Variants in ZNF138 observed in about 807,000 individuals in gnomAD.
The protein encoded by ZNF138 is zinc finger protein 138 (clone pHZ-32).
Under a neutral mutation model 33.0 loss-of-function variants are expected in ZNF138, and 33 were observed. The ratio of observed to expected loss-of-function variants is 1.00; its 90% CI spans 0.76 to 1.34. ZNF138 has a LOEUF of 1.34. Ranked by LOEUF, ZNF138 falls within the 40% of genes most tolerant of loss-of-function variation. ZNF138 has a pLI of 0.00. For missense variants in ZNF138, 360 were observed against 370.8 expected, an observed-to-expected ratio of 0.97 and a Z score of 0.24; for synonymous variants, 139 against 120.4, an observed-to-expected ratio of 1.15 and a Z score of -1.01.
At chr7:64,822,144 C>T (rs1789213398) in intron 3 of ZNF138, among the ~76,000 whole-genome samples, 1 of 151,278 alleles carries the variant, frequency 6.6e-6, no homozygotes, top group African/African-American at 2.5e-5. Flanking sequence ...TGGTCTCGAT[C>T]TCCTGACCTC....
intron 2 of ZNF138, 78 bp downstream of exon 2, chr7:64,815,122 T>G (rs1244601535): frequency 1.5e-6 from 2 of 1,366,112 alleles, no homozygotes; most frequent in Non-Finnish European, 1.9e-6. Flanking sequence ...AGAATGTCTT[T>G]TGGTAATTTA....
At chr7:64,860,063 G>A in the ZNF138 span, among the ~76,000 whole-genome samples, 242 of 152,288 alleles carry the variant, frequency 1.6e-3, 4 homozygotes, top group East Asian at 0.042. Flanking sequence ...CTTGAACTCG[G>A]GAGGCGGAGG....
At chr7:64,794,687 C>T (rs1786546329) in intron 1 of ZNF138, 116 bp downstream of exon 1, 1 of 1,501,482 alleles carries the variant, frequency 6.7e-7, no homozygotes, top group South Asian at 1.2e-5. Context: ...ATCCGCGGCC[C>T]CGAGTTCTTG....
chr7:64,805,422 A>AAAAAAC (rs768845135), intron 1 of ZNF138, among the ~76,000 whole-genome samples: 1 of 151,460 alleles, frequency 6.6e-6, no homozygotes. Flanking sequence ...AAAAAAAAAA[A>AAAAAAC]CTGAGGCTGA....
chr7:64,815,546 A>G (rs775393571), intron 2 of ZNF138, 30 bp from the exon 3 acceptor site: 2 of 1,591,488 alleles, frequency 1.3e-6, no homozygotes, highest in Admixed American at 3.5e-5. Flanking sequence ...CTTATTTTTA[A>G]TAAAACAAGT....
At chr7:64,830,824 A>G (rs367954363) in intron 3 of ZNF138, 24 of 1,199,458 alleles carry the variant, frequency 2.0e-5, no homozygotes, top group African/African-American at 3.1e-5. Context: ...AGAGTCTTTC[A>G]GACATGTTCT....
Position 64,798,408 on chromosome 7 carries a change from C to T in ZNF138, c.3+3837C>T, listed in dbSNP as rs182486968. Among the ~76,000 whole-genome samples, 206 of 152,124 alleles carry T rather than the reference C, an allele frequency of 1.4e-3. 1 individual carries two copies. The highest frequency in any genetic ancestry group is 3.4e-3 in the Middle Eastern group (1 of 294). On this transcript the variant is annotated intron_variant, in intron 1 of 3. Transcript: ENST00000307355. ...TTGATTAAGAAGTATTTTATTTGAC[C>T]GCTGAAGAAAAATTCGGCTATTTTT...
intron 1 of ZNF138, among the ~76,000 whole-genome samples, chr7:64,808,929 G>A (rs1787840326): frequency 7.1e-6 from 1 of 141,030 alleles, no homozygotes; most frequent in South Asian, 2.4e-4. Flanking sequence ...AGGATCCCAA[G>A]GCAGAAGAAT....
chr7:64,802,592 G>C (rs905282424), intron 1 of ZNF138, among the ~76,000 whole-genome samples: 2 of 151,900 alleles, frequency 1.3e-5, no homozygotes, highest in African/African-American at 4.8e-5. Flanking sequence ...GATCTATAGG[G>C]TCAAATAAAA....
At chr7:64,806,668 C>G (rs1787623308) in intron 1 of ZNF138, among the ~76,000 whole-genome samples, 1 of 152,176 alleles carries the variant, frequency 6.6e-6, no homozygotes, top group Non-Finnish European at 1.5e-5. Flanking sequence ...ATGTCTTTAT[C>G]CCTTCTTTGA....
chr7:64,843,179 C>T, the ZNF138 span, among the ~76,000 whole-genome samples: 2 of 152,006 alleles, frequency 1.3e-5, no homozygotes, highest in Non-Finnish European at 2.9e-5. Context: ...AATAGTATTC[C>T]ATTGTGTGTA....
intron 3 of ZNF138, among the ~76,000 whole-genome samples, chr7:64,816,798 T>C (rs1303888910): frequency 6.6e-6 from 1 of 152,248 alleles, no homozygotes; most frequent in East Asian, 1.9e-4. Context: ...TTCACGTTTT[T>C]ATATCCTGGT....
the ZNF138 span, among the ~76,000 whole-genome samples, chr7:64,839,900 G>A: frequency 6.6e-6 from 1 of 152,090 alleles, no homozygotes; most frequent in Non-Finnish European, 1.5e-5. Context: ...GCTCTCAGGT[G>A]AGGTTCACTG....
chr7:64,837,652 G>A (rs553774584), downstream of ZNF138, among the ~76,000 whole-genome samples: 31 of 152,178 alleles, frequency 2.0e-4, no homozygotes, highest in African/African-American at 6.8e-4. Context: ...CTGTTGGCGC[G>A]TTCCACTTTT....
intron 1 of ZNF138, among the ~76,000 whole-genome samples, chr7:64,800,069 G>GTTTCTGTGGAGACAGAAAAGAGAAGAACT (rs1562885473): frequency 7.2e-5 from 11 of 152,272 alleles, no homozygotes; most frequent in African/African-American, 1.9e-4. Context: ...TTTAAAGAAC[G>GTTTCTGTGGAGACAGAAAAGAGAAGAACT]TTTCTGTGGA....
chr7:64,810,269 G>A (rs1011248997), intron 1 of ZNF138, among the ~76,000 whole-genome samples: 185 of 150,732 alleles, frequency 1.2e-3, no homozygotes, highest in African/African-American at 4.1e-3. Context: ...TGGCCTGGCC[G>A]ACACAGCGAA....
chr7:64,858,007 C>T, the ZNF138 span, among the ~76,000 whole-genome samples: 1 of 152,184 alleles, frequency 6.6e-6, no homozygotes, highest in South Asian at 2.1e-4. Context: ...TTTGACAGAA[C>T]AACTTCACAA....
Position 64,832,489 on chromosome 7 carries a change from A to T in ZNF138, c.*287A>T. On this transcript the variant is annotated 3_prime_UTR_variant, in exon 4 of 4. Coordinates refer to ENST00000307355, the MANE Select transcript of ZNF138 (RefSeq NM_001271639.2). ...ACACATAAGAAAATTCATACTGGGG[A>T]GAAACCCCACAAATGTGGAGAATGC... The T allele has an allele frequency of 8.9e-7, 1 of 1,125,712 alleles. No homozygotes were observed. The highest frequency in any genetic ancestry group is 1.2e-6 in the Non-Finnish European group (1 of 828,404). The allele number at this position is 1,125,712 out of a possible 1,614,324, so 69.7% of individuals were successfully genotyped here. A position where few individuals can be genotyped will look rare whatever the true frequency, so the allele number is the denominator to read the frequency against.
chr7:64,801,891 G>A (rs1787164859), intron 1 of ZNF138, among the ~76,000 whole-genome samples: 1 of 152,120 alleles, frequency 6.6e-6, no homozygotes, highest in South Asian at 2.1e-4. Flanking sequence ...AGTTAAGCTG[G>A]GAACGGGGTC....
Sources: allele counts gnomAD v4.1 joint callset (sites outside exome capture counted in the v4.1 genomes callset), GRCh38; gene constraint gnomAD v4.1.1; transcripts MANE v1.5; gene names NCBI Gene and HGNC (gene_info 2026-07-23, HGNC 2026-07-21).